OTULINL: variants seen among roughly 807,000 people sequenced by gnomAD.
The protein encoded by OTULINL is OTU deubiquitinase with linear linkage specificity like.
Under a neutral mutation model 43.9 loss-of-function variants are expected in OTULINL, and 42 were observed. The observed-to-expected ratio is 0.96, with a 90% CI of 0.75 to 1.24. The LOEUF (loss-of-function observed/expected upper bound fraction) is 1.24, where lower values mean the gene tolerates loss of function less well. Among genes scored for constraint, OTULINL ranks in the 50% most tolerant of loss-of-function variants. The probability of loss-of-function intolerance (pLI) is 0.00; values close to 1 mark genes in which losing one functional copy is unlikely to be tolerated. For missense variants in OTULINL, 411 were observed against 426.4 expected (o/e 0.96, Z 0.32); for synonymous variants, 172 against 153.6 (o/e 1.12, Z -0.88).
chr5:14,615,518 C>T lies in OTULINL; in HGVS notation c.*5204C>T, dbSNP rs16903581. Among the ~76,000 whole-genome samples the T allele has an allele frequency of 0.016, 2,488 of 152,234 alleles. 86 individuals are homozygous for T. The highest frequency in any genetic ancestry group is 0.057 in the African/African-American group (2,377 of 41,510). On this transcript the variant is annotated 3_prime_UTR_variant, in exon 8 of 8. Coordinates refer to ENST00000274217, the MANE Select transcript of OTULINL (RefSeq NM_019018.3). ...TGGAAGTTTCAGTGTAATGTGATTC[C>T]TAGTAGGCACATCTGTGACTCCCTT...
Position 14,607,370 on chromosome 5 carries a change from T to G in OTULINL, c.539T>G (p.Ile180Ser), listed in dbSNP as rs1340854246. 11 of 1,613,914 alleles carry G rather than the reference T, an allele frequency of 6.8e-6. No homozygotes were observed. In the African/African-American group the frequency reaches 1.5e-4, roughly 22 times the overall value. Reference sequence around the variant, plus strand: ...CTGTTTTCACAAGGTTGTAATTGGATTCAGCAGTACAGTTTTGGTCCTGAG... The same window carrying G: ...CTGTTTTCACAAGGTTGTAATTGGAGTCAGCAGTACAGTTTTGGTCCTGAG... ...KLLFSQGCNW[I>S]QQYSFGPEKY... Residue 180 changes from isoleucine (I) to serine (S), a missense_variant, in exon 6 of 8, where the codon ATT becomes AGT. Physicochemically the swap from Ile to Ser is moderately radical, Grantham distance 142. Transcript: ENST00000274217.
At position 14,613,753 on chromosome 5, in the gene OTULINL, C is replaced by T. The variant is rs1394851064; in HGVS notation, c.*3439C>T. ...GTCAGGTGAAAGTCCCCAGGGCCCTCTCTAGGGGACCGGAGACCTCCAGAC... is the reference window on the plus strand; with the variant it reads ...GTCAGGTGAAAGTCCCCAGGGCCCTTTCTAGGGGACCGGAGACCTCCAGAC... On this transcript the variant is annotated 3_prime_UTR_variant, in exon 8 of 8. Coordinates refer to ENST00000274217, the MANE Select transcript of OTULINL (RefSeq NM_019018.3). Among the ~76,000 whole-genome samples, 1 of 152,188 alleles carries T rather than the reference C, an allele frequency of 6.6e-6. No homozygotes were observed. The highest frequency in any genetic ancestry group is 1.5e-5 in the Non-Finnish European group (1 of 68,036).
intron 1 of OTULINL, among the ~76,000 whole-genome samples, chr5:14,596,337 C>A (rs959532742): frequency 6.6e-6 from 1 of 152,192 alleles, no homozygotes; most frequent in Non-Finnish European, 1.5e-5. Context: ...CTGCAGAATT[C>A]TCCTTGGCAG....
rs567398049 is a variant in OTULINL at position 14,611,302 on chromosome 5, T to A, written c.*988T>A. 2.6e-5 allele frequency: 4 copies of A among 152,304 alleles called. No homozygotes were observed. The highest frequency in any genetic ancestry group is 2.6e-4 in the Admixed American group (4 of 15,288). 9.4% of individuals were successfully genotyped at this position (152,304 alleles called of 1,614,324 possible). ...GATTCTCCAGGTGGACGCAGTGTAA[T>A]CAGAATGGTTCTTAAAAGTGGAAGA... On this transcript the variant is annotated 3_prime_UTR_variant, in exon 8 of 8. Transcript: ENST00000274217.
chr5:14,599,523 T>C (rs1560964304), intron 1 of OTULINL, among the ~76,000 whole-genome samples: 1 of 152,228 alleles, frequency 6.6e-6, no homozygotes, highest in African/African-American at 2.4e-5. Flanking sequence ...TTTTTTTCTT[T>C]ATTTGCTGGC....
At chr5:14,590,722 A>G (rs1046343026) in intron 1 of OTULINL, among the ~76,000 whole-genome samples, 2 of 152,194 alleles carry the variant, frequency 1.3e-5, no homozygotes, top group Non-Finnish European at 2.9e-5. Flanking sequence ...TTTATAAGCC[A>G]CTGACTGTCA....
Position 14,613,352 on chromosome 5 carries a change from C to G in OTULINL, c.*3038C>G, listed in dbSNP as rs966574555. ...TTTCAAAGCAGGCAACTTTAATTCC[C>G]TACCTGGTATCTGGATTCCTTTTCC... On this transcript the variant is annotated 3_prime_UTR_variant, in exon 8 of 8. Transcript: ENST00000274217. Among the ~76,000 whole-genome samples, 1 of 152,194 alleles carries G rather than the reference C, an allele frequency of 6.6e-6. No individual in the cohort carries two copies. Among genetic ancestry groups the G allele is most frequent in the Non-Finnish European group, 1.5e-5 (1 of 68,042 alleles).
At chr5:14,584,444 TTA>T (rs1186938936) in intron 1 of OTULINL, among the ~76,000 whole-genome samples, 1 of 152,222 alleles carries the variant, frequency 6.6e-6, no homozygotes, top group African/African-American at 2.4e-5. Flanking sequence ...CTGTATACTT[TTA>T]TGTTTGTTTT....
chr5:14,602,418 A>C, intron 5 of OTULINL, 86 bp downstream of exon 5: 4 of 1,289,754 alleles, frequency 3.1e-6, no homozygotes, highest in Non-Finnish European at 4.3e-6. Context: ...CTTTGTACTC[A>C]GATGACCATG....
At chr5:14,604,220 T>C (rs962296118) in intron 5 of OTULINL, among the ~76,000 whole-genome samples, 6 of 152,200 alleles carry the variant, frequency 3.9e-5, no homozygotes, top group African/African-American at 1.4e-4. Context: ...TGGTCATAGT[T>C]ACTTTTGGGA....
intron 6 of OTULINL, 30 bp downstream of exon 6, chr5:14,607,488 TAGG>T: frequency 1.9e-6 from 3 of 1,612,120 alleles, no homozygotes; most frequent in Non-Finnish European, 2.5e-6. Context: ...ATAAAAAGAC[TAGG>T]AATAAAAGCA....
chr5:14,584,034 A>G (rs1305447165), intron 1 of OTULINL, among the ~76,000 whole-genome samples: 1 of 152,252 alleles, frequency 6.6e-6, no homozygotes, highest in South Asian at 2.1e-4. Context: ...TCGAAGAAAC[A>G]TTGGAAGATC....
At chr5:14,600,878 A>G in intron 1 of OTULINL, 87 bp from the exon 2 acceptor site, 56 of 994,492 alleles carry the variant, frequency 5.6e-5, no homozygotes, top group Non-Finnish European at 7.1e-5. Flanking sequence ...AAAATTATGC[A>G]ATCTCTCTCT....
At chr5:14,586,424 A>G (rs1759101897) in intron 1 of OTULINL, among the ~76,000 whole-genome samples, 1 of 152,246 alleles carries the variant, frequency 6.6e-6, no homozygotes, top group East Asian at 1.9e-4. Context: ...GTTCATTTCT[A>G]GGAGACAAAA....
intron 1 of OTULINL, among the ~76,000 whole-genome samples, chr5:14,582,489 G>A (rs1378065319): frequency 1.3e-5 from 2 of 151,956 alleles, no homozygotes; most frequent in African/African-American, 4.8e-5. Context: ...GAATACTCTG[G>A]CTGAAAAAAA....
At chr5:14,589,856 C>G (rs1759168298) in intron 1 of OTULINL, among the ~76,000 whole-genome samples, 1 of 152,058 alleles carries the variant, frequency 6.6e-6, no homozygotes, top group Admixed American at 6.6e-5. Context: ...GGGGCTGAGG[C>G]AGGAGACTCA....
chr5:14,604,092 G>A (rs1759433052), intron 5 of OTULINL, among the ~76,000 whole-genome samples: 1 of 152,140 alleles, frequency 6.6e-6, no homozygotes, highest in Non-Finnish European at 1.5e-5. Context: ...AGCACTTTGG[G>A]AGGCCAAGTT....
At chr5:14,598,251 G>A (rs753925695) in intron 1 of OTULINL, among the ~76,000 whole-genome samples, 2 of 152,248 alleles carry the variant, frequency 1.3e-5, no homozygotes, top group Non-Finnish European at 2.9e-5. Flanking sequence ...CCACCCACAA[G>A]TGAGCACCAC....
chr5:14,595,554 T>A (rs1181667459), intron 1 of OTULINL, among the ~76,000 whole-genome samples: 11 of 150,640 alleles, frequency 7.3e-5, no homozygotes, highest in Non-Finnish European at 1.5e-4. Context: ...TTTCCTGTTT[T>A]AATGTTTGAA....
Sources: allele counts gnomAD v4.1 joint callset (sites outside exome capture counted in the v4.1 genomes callset), GRCh38; gene constraint gnomAD v4.1.1; transcripts MANE v1.5; gene names NCBI Gene and HGNC (gene_info 2026-07-23, HGNC 2026-07-21).